Variants in ESRP1 observed in about 807,000 individuals in gnomAD.
ESRP1 encodes the protein epithelial splicing regulatory protein 1, also known as RNA-binding motif protein 35A.
A neutral mutation model predicts 81.7 loss-of-function variants in ESRP1; 33 were observed. That is an observed-to-expected ratio of 0.40 (90% confidence interval 0.31 to 0.54). The LOEUF (loss-of-function observed/expected upper bound fraction) is 0.54, where lower values mean the gene tolerates loss of function less well. Ranked by LOEUF, ESRP1 falls within the 20% of genes least tolerant of loss-of-function variation. The pLI, the probability that ESRP1 is intolerant of heterozygous loss-of-function variation, is 0.41. For synonymous variants in ESRP1, 320 were observed against 303.3 expected (o/e 1.06, Z -0.57); for missense variants, 672 against 833.1 (o/e 0.81, Z 2.38).
intron 11 of ESRP1, among the ~76,000 whole-genome samples, chr8:94,672,167 T>C (rs1819362723): frequency 6.6e-6 from 1 of 152,336 alleles, no homozygotes; most frequent in South Asian, 2.1e-4. Context: ...TTCCAGAATA[T>C]TTTGTATCCA....
intron 9 of ESRP1, among the ~76,000 whole-genome samples, chr8:94,666,750 C>A (rs1819035322): frequency 6.6e-6 from 1 of 152,060 alleles, no homozygotes; most frequent in South Asian, 2.1e-4. Flanking sequence ...AGTTCCCAAG[C>A]AATGTTTGAT....
intron 4 of ESRP1, among the ~76,000 whole-genome samples, chr8:94,661,033 A>G (rs1246947903): frequency 6.6e-6 from 1 of 152,048 alleles, no homozygotes; most frequent in Non-Finnish European, 1.5e-5. Context: ...TTTTAGCAAC[A>G]AAGTTGTTCT....
Position 94,674,436 on chromosome 8 carries a change from G to A in ESRP1, c.1581G>A (p.Glu527=). ...YVEVFQCSAE[E]MNFVLMGGTL... is the part of the protein sequence containing the mutation. ...AAGTCTTTCAGTGTTCAGCTGAGGAGATGAACTTTGTGTTAATGGGGGGCA... is the reference window on the plus strand; with the variant it reads ...AAGTCTTTCAGTGTTCAGCTGAGGAAATGAACTTTGTGTTAATGGGGGGCA... Residue 527 remains glutamate (E), a synonymous_variant, in exon 12 of 16, where the codon GAG becomes GAA. Transcript: ENST00000433389. 6.2e-7 allele frequency: 1 copy of A among 1,614,008 alleles called. No homozygotes were observed. The highest frequency in any genetic ancestry group is 8.5e-7 in the Non-Finnish European group (1 of 1,179,886).
intron 15 of ESRP1, among the ~76,000 whole-genome samples, chr8:94,699,205 C>T (rs1463294610): frequency 6.6e-6 from 1 of 152,122 alleles, no homozygotes; most frequent in African/African-American, 2.4e-5. Context: ...CATTACTCAC[C>T]ACCTCTAGTT....
chr8:94,670,443 G>T (rs190383811), intron 10 of ESRP1, among the ~76,000 whole-genome samples: 16 of 152,214 alleles, frequency 1.1e-4, no homozygotes, highest in African/African-American at 3.6e-4. Context: ...GGTGTGGTTT[G>T]ATTTTTGTCC....
At chr8:94,676,839 G>A (rs1215039546) in intron 12 of ESRP1, among the ~76,000 whole-genome samples, 1 of 151,536 alleles carries the variant, frequency 6.6e-6, no homozygotes, top group Non-Finnish European at 1.5e-5. Context: ...GTCCTGTAAT[G>A]AACCGCTTGA....
At chr8:94,669,874 CAAA>C (rs1263306176) in intron 10 of ESRP1, among the ~76,000 whole-genome samples, 13 of 89,616 alleles carry the variant, frequency 1.5e-4, no homozygotes, top group Admixed American at 3.9e-4. Flanking sequence ...CTCCCGCTAC[CAAA>C]AAAAAAAAAA....
chr8:94,661,197 C>A (rs1031490904), intron 4 of ESRP1, among the ~76,000 whole-genome samples: 2 of 152,050 alleles, frequency 1.3e-5, no homozygotes, highest in East Asian at 3.9e-4. Flanking sequence ...TGCACCACCA[C>A]GCCTGGTTAA....
intron 4 of ESRP1, among the ~76,000 whole-genome samples, chr8:94,647,213 C>G (rs4247283): frequency 0.11 from 17,104 of 152,144 alleles, 1,264 homozygotes; most frequent in Admixed American, 0.21. Context: ...TTTCATTTGC[C>G]TTCTTCTTGG....
chr8:94,654,415 C>G (rs1243582614), intron 4 of ESRP1, among the ~76,000 whole-genome samples: 1 of 152,048 alleles, frequency 6.6e-6, no homozygotes, highest in Non-Finnish European at 1.5e-5. Context: ...ACCAAGGAGT[C>G]TCCTTTTCCT....
chr8:94,665,112 G>T, intron 8 of ESRP1, 42 bp from the exon 9 acceptor site: 1 of 1,613,760 alleles, frequency 6.2e-7, no homozygotes, highest in Non-Finnish European at 8.5e-7. Flanking sequence ...ATTAACATAG[G>T]ACGGAAGGCT....
Position 94,707,398 on chromosome 8 carries a change from C to G in ESRP1, c.*1509C>G, listed in dbSNP as rs1040717928. ...AAAGACTTTAAGATAGGCAGTAATG[C>G]TTACTACAATACTACTGAGTTTTTG... On this transcript the variant is annotated 3_prime_UTR_variant, in exon 16 of 16. Transcript: ENST00000433389. 1.3e-5 allele frequency: 2 copies of G among 152,144 alleles called. No homozygotes were observed. The highest frequency in any genetic ancestry group is 1.3e-4 in the Admixed American group (2 of 15,274). The allele number at this position is 152,144 out of a possible 1,614,324, so 9.4% of individuals were successfully genotyped here. A position where few individuals can be genotyped will look rare whatever the true frequency, so the allele number is the denominator to read the frequency against.
At chr8:94,689,810 G>GTTTTTTTTTTTT (rs1563545236) in intron 13 of ESRP1, among the ~76,000 whole-genome samples, 1 of 55,332 alleles carries the variant, frequency 1.8e-5, no homozygotes, top group African/African-American at 6.6e-5. Flanking sequence ...ATGATGCCTG[G>GTTTTTTTTTTTT]CTTTTTTTTT....
intron 2 of ESRP1, among the ~76,000 whole-genome samples, chr8:94,642,761 G>C (rs1817677882): frequency 6.6e-6 from 1 of 152,172 alleles, no homozygotes; most frequent in Non-Finnish European, 1.5e-5. Context: ...GGATCGGGTA[G>C]GGCGGGGCGC....
At chr8:94,686,483 C>T (rs190512942) in intron 13 of ESRP1, among the ~76,000 whole-genome samples, 4 of 152,330 alleles carry the variant, frequency 2.6e-5, no homozygotes, top group Admixed American at 2.0e-4. Context: ...TTTCCTCTCA[C>T]ATCCCTTCAG....
At chr8:94,643,204 C>A in intron 2 of ESRP1, 99 bp from the exon 3 acceptor site, 2 of 757,480 alleles carry the variant, frequency 2.6e-6, no homozygotes, top group East Asian at 2.6e-5. Context: ...CATCAGGGCC[C>A]TTATTGCGGT....
chr8:94,702,617 G>T (rs886085904), intron 15 of ESRP1, among the ~76,000 whole-genome samples: 1 of 152,130 alleles, frequency 6.6e-6, no homozygotes, highest in Non-Finnish European at 1.5e-5. Context: ...CTGAGTAGCT[G>T]GGACTACAGG....
In ESRP1 at chr8:94,641,234, G is replaced by C. The variant is rs1817566366; in HGVS notation, c.-85G>C. ...CGCTCTTTCTTTTTCTCTTAGAAGA[G>C]GGTTTAGCACAGGTTTTTTCGTTCT... On this transcript the variant is annotated 5_prime_UTR_variant, in exon 1 of 16. Coordinates refer to ENST00000433389, the MANE Select transcript of ESRP1 (RefSeq NM_017697.4). The C allele has an allele frequency of 2.3e-6, 3 of 1,317,234 alleles. No homozygotes were observed. The highest frequency in any genetic ancestry group is 5.0e-5 in the East Asian group (2 of 40,222). The allele number at this position is 1,317,234 out of a possible 1,614,324, so 81.6% of individuals were successfully genotyped here.
Position 94,641,935 on chromosome 8 carries a change from C to G in ESRP1, c.133-21C>G, listed in dbSNP as rs200260350. The G allele has an allele frequency of 6.3e-4, 1,022 of 1,612,792 alleles. 7 individuals carry two copies. In the African/African-American group the frequency reaches 0.012, roughly 20 times the overall value. On this transcript the variant is annotated intron_variant, in intron 1 of 15. Coordinates refer to ENST00000433389, the MANE Select transcript of ESRP1 (RefSeq NM_017697.4). ...GCTCCGAAATTGGGGGAAACTGACC[C>G]GTGCTTCTCTACCTTCGGAGGTGGG...
Sources: allele counts gnomAD v4.1 joint callset (sites outside exome capture counted in the v4.1 genomes callset), GRCh38; gene constraint gnomAD v4.1.1; transcripts MANE v1.5; gene names NCBI Gene and HGNC (gene_info 2026-07-23, HGNC 2026-07-21).